FMN1: variants seen among roughly 807,000 people sequenced by gnomAD.
FMN1 encodes formin-1.
Under a neutral mutation model 132.4 loss-of-function variants are expected in FMN1, and 110 were observed. The ratio of observed to expected loss-of-function variants is 0.83; its 90% CI spans 0.71 to 0.97. The LOEUF (loss-of-function observed/expected upper bound fraction) is 0.97. Among genes scored for constraint, FMN1 ranks in the 50% least tolerant of loss-of-function variants. The pLI is 0.00. For missense variants in FMN1, 1,792 were observed against 1,705.3 expected (o/e 1.05, Z -0.90); for synonymous variants, 722 against 651.7 (o/e 1.11, Z -1.64).
chr15:32,894,823 T>C (rs1209592977), intron 15 of FMN1, among the ~76,000 whole-genome samples: 5 of 137,232 alleles, frequency 3.6e-5, no homozygotes, highest in Admixed American at 7.7e-5. Context: ...TTCAGAAACA[T>C]TTTAATGTAT....
intron 4 of FMN1, among the ~76,000 whole-genome samples, chr15:33,125,976 T>TAA (rs202189305): frequency 6.6e-6 from 1 of 151,534 alleles, no homozygotes; most frequent in South Asian, 2.1e-4. Context: ...AGTAAGTCAC[T>TAA]AAGTTAGGAA....
At chr15:32,998,590 C>A (rs1427194351) in intron 7 of FMN1, among the ~76,000 whole-genome samples, 1 of 152,156 alleles carries the variant, frequency 6.6e-6, no homozygotes, top group African/African-American at 2.4e-5. Context: ...GGAAACACTC[C>A]CCGTGGTGCT....
At chr15:33,052,420 G>C (rs149380589) in intron 6 of FMN1, among the ~76,000 whole-genome samples, 159 of 152,286 alleles carry the variant, frequency 1.0e-3, no homozygotes, top group African/African-American at 3.7e-3. Context: ...CACGTGCATG[G>C]AATCAAAGAC....
chr15:32,936,031 C>T (rs767473633), intron 9 of FMN1, among the ~76,000 whole-genome samples: 46 of 152,176 alleles, frequency 3.0e-4, no homozygotes, highest in Admixed American at 2.4e-3. Flanking sequence ...CTGAACCCCA[C>T]TAGTGAGCTT....
chr15:33,068,378 C>CA (rs1406800609), intron 5 of FMN1, among the ~76,000 whole-genome samples: 1 of 152,166 alleles, frequency 6.6e-6, no homozygotes, highest in African/African-American at 2.4e-5. Context: ...GGCACTTAGC[C>CA]ACTGCCCAGA....
At chr15:32,969,866 T>C (rs2031634842) in intron 7 of FMN1, among the ~76,000 whole-genome samples, 1 of 152,190 alleles carries the variant, frequency 6.6e-6, no homozygotes, top group South Asian at 2.1e-4. Context: ...AAAAGAAAAC[T>C]ATAAAGAAAA....
rs1477302521 is a variant in FMN1 at position 32,964,339 on chromosome 15, T to C, written c.2988-82A>G. ...ACAATGAAATCTTTCTCTAATCCAT[T>C]TTTTAATTTCATTTTTCTAAAAAAA... On this transcript the variant is annotated intron_variant, in intron 8 of 20. Coordinates refer to ENST00000616417, the MANE Select transcript of FMN1 (RefSeq NM_001277313.2). 8.0e-6 allele frequency: 8 copies of C among 1,005,702 alleles called. No homozygotes were observed. The South Asian group carries it at 1.6e-4, about 20-fold the overall frequency. The allele number at this position is 1,005,702 out of a possible 1,614,324, so 62.3% of individuals were successfully genotyped here.
At chr15:33,181,375 A>C (rs1294729771) in intron 2 of FMN1, among the ~76,000 whole-genome samples, 1 of 152,162 alleles carries the variant, frequency 6.6e-6, no homozygotes, top group Non-Finnish European at 1.5e-5. Context: ...CGAGCAGACA[A>C]ATCCTCTTCC....
At chr15:32,938,903 G>A (rs2061339177) in intron 9 of FMN1, among the ~76,000 whole-genome samples, 1 of 151,886 alleles carries the variant, frequency 6.6e-6, no homozygotes, top group African/African-American at 2.4e-5. Flanking sequence ...GATCTACTAG[G>A]CTGGTACAAT....
chr15:33,028,955 G>A (rs941221921), intron 6 of FMN1, among the ~76,000 whole-genome samples: 4 of 152,140 alleles, frequency 2.6e-5, no homozygotes, highest in African/African-American at 9.7e-5. Context: ...AGATAAATTT[G>A]CCACCACAAA....
At chr15:32,960,413 G>A (rs2030380419) in intron 9 of FMN1, among the ~76,000 whole-genome samples, 1 of 152,148 alleles carries the variant, frequency 6.6e-6, no homozygotes, top group Non-Finnish European at 1.5e-5. Context: ...TGGGGTCACA[G>A]AGCCAATTTA....
chr15:32,794,823 G>A (rs1258748), intron 19 of FMN1, among the ~76,000 whole-genome samples: 145,595 of 152,270 alleles, frequency 0.96, 69,938 homozygotes, highest in East Asian at 1. Flanking sequence ...ATGATACATC[G>A]TAAATGCAAT....
intron 16 of FMN1, among the ~76,000 whole-genome samples, chr15:32,879,107 A>G (rs1194493374): frequency 3.9e-5 from 6 of 152,220 alleles, no homozygotes; most frequent in Non-Finnish European, 2.9e-5. Flanking sequence ...TGCTCAATTA[A>G]TTGAATGCTT....
At chr15:33,046,353 C>T (rs1447945252) in intron 6 of FMN1, among the ~76,000 whole-genome samples, 1 of 152,058 alleles carries the variant, frequency 6.6e-6, no homozygotes, top group African/African-American at 2.4e-5. Context: ...AATGAGGGTT[C>T]CCAAATTAGT....
Position 32,988,321 on chromosome 15 carries a change from T to A in FMN1, c.2224-18844A>T, listed in dbSNP as rs111469222. On this transcript the variant is annotated intron_variant, in intron 7 of 20. Coordinates refer to ENST00000616417, the MANE Select transcript of FMN1 (RefSeq NM_001277313.2). ...GAAGTATTTTACAACCTTTTAATCT[T>A]AAAAAACAATAAATTTGAAATTGAG... is the stretch of plus-strand genomic sequence containing the variant. Among the ~76,000 whole-genome samples, 333 of 152,230 alleles carry A rather than the reference T, an allele frequency of 2.2e-3. 1 individual carries two copies. The highest frequency in any genetic ancestry group is 3.5e-3 in the Non-Finnish European group (240 of 68,002).
intron 3 of FMN1, among the ~76,000 whole-genome samples, chr15:33,158,306 G>T (rs1211321814): frequency 2.0e-4 from 31 of 152,122 alleles, no homozygotes; most frequent in Non-Finnish European, 1.2e-4. Context: ...TTATGTAAAT[G>T]GAGAAAATGT....
chr15:33,050,416 G>C (rs573869534), intron 6 of FMN1, among the ~76,000 whole-genome samples: 5 of 151,946 alleles, frequency 3.3e-5, no homozygotes, highest in African/African-American at 9.7e-5. Context: ...TACATAGAAA[G>C]CTTCTTCAAA....
intron 9 of FMN1, among the ~76,000 whole-genome samples, chr15:32,956,978 G>GA (rs1257669946): frequency 9.9e-5 from 15 of 152,246 alleles, no homozygotes; most frequent in African/African-American, 3.4e-4. Context: ...AATCAATGCT[G>GA]AAGGCTTTTG....
intron 9 of FMN1, among the ~76,000 whole-genome samples, chr15:32,945,844 G>A (rs1161260664): frequency 3.3e-5 from 5 of 152,128 alleles, no homozygotes; most frequent in Admixed American, 6.6e-5. Context: ...AGAACTCCAA[G>A]GGAAACACTT....
Sources: allele counts gnomAD v4.1 joint callset (sites outside exome capture counted in the v4.1 genomes callset), GRCh38; gene constraint gnomAD v4.1.1; transcripts MANE v1.5; gene names NCBI Gene and HGNC (gene_info 2026-07-23, HGNC 2026-07-21).